The following DIAPH2 variants were observed in gnomAD, a reference collection of about 807,000 sequenced individuals.
The protein encoded by DIAPH2 is diaphanous related formin 2.
A neutral mutation model predicts 92.7 loss-of-function variants in DIAPH2; 35 were observed. The ratio of observed to expected loss-of-function variants is 0.38; its 90% confidence interval spans 0.29 to 0.50. DIAPH2 has a LOEUF of 0.50. Ranked by LOEUF, DIAPH2 falls within the 20% of genes least tolerant of loss-of-function variation. The pLI, the probability that DIAPH2 is intolerant of heterozygous loss-of-function variation, is 0.94. For synonymous variants in DIAPH2, 301 were observed against 280.4 expected (o/e 1.07, Z -0.73); for missense variants, 701 against 819.5 (o/e 0.86, Z 1.77).
At chrX:97,564,779 C>T (rs2071315484) in intron 26 of DIAPH2, among the ~76,000 whole-genome samples, 1 of 111,349 alleles carries the variant, frequency 9.0e-6, no homozygotes, top group Non-Finnish European at 1.9e-5. Flanking sequence ...ACAACTTATC[C>T]TGGAAGTTCT....
chrX:97,571,051 G>T (rs145432718), intron 26 of DIAPH2, among the ~76,000 whole-genome samples: 3 of 111,343 alleles, frequency 2.7e-5, no homozygotes, highest in African/African-American at 9.8e-5. Flanking sequence ...GTTCAAAACC[G>T]AGTAAGTCAC....
intron 26 of DIAPH2, among the ~76,000 whole-genome samples, chrX:97,507,883 A>G (rs1453663962): frequency 3.6e-5 from 4 of 111,253 alleles, no homozygotes; most frequent in African/African-American, 1.3e-4. Flanking sequence ...GGAGAGTGGA[A>G]GGGAAGAAGG....
intron 22 of DIAPH2, among the ~76,000 whole-genome samples, chrX:97,213,763 C>CTA (rs1386416661): frequency 8.9e-6 from 1 of 112,185 alleles, no homozygotes; most frequent in Non-Finnish European, 1.9e-5. Flanking sequence ...TATTAAGCAT[C>CTA]TATATATCAG....
At chrX:97,152,868 G>A (rs1221045270) in intron 22 of DIAPH2, among the ~76,000 whole-genome samples, 3 of 104,858 alleles carry the variant, frequency 2.9e-5, no homozygotes, top group Non-Finnish European at 4.0e-5. Context: ...ATTCATTGAA[G>A]TAGTGAGGAG....
chrX:97,368,928 G>A (rs1246616375), intron 24 of DIAPH2, among the ~76,000 whole-genome samples: 9 of 43,841 alleles, frequency 2.1e-4, no homozygotes, highest in African/African-American at 7.2e-4. Flanking sequence ...TTTTTGAGAC[G>A]AAGTTTCGCT....
chrX:97,051,571 A>T (rs1321839608), intron 17 of DIAPH2, among the ~76,000 whole-genome samples: 1 of 105,803 alleles, frequency 9.5e-6, no homozygotes, highest in Non-Finnish European at 1.9e-5. Flanking sequence ...AGCTCAGAGG[A>T]TATATTTACT....
rs1470931165 is a variant in DIAPH2, at chrX:97,600,626, A to AAAT, written c.*1311_*1313dup. ...CTTAACTTGTCTGTCTATTATTTTA[A>AAAT]AATATGCATTGAAATAATGTGGTAT... On this transcript the variant is annotated 3_prime_UTR_variant, in exon 27 of 27. Transcript: ENST00000324765. The AAAT allele has an allele frequency of 8.9e-6, 1 of 112,660 alleles. No homozygotes were observed. The highest frequency in any genetic ancestry group is 3.7e-4 in the South Asian group (1 of 2,727). 9.3% of individuals were successfully genotyped at this position (112,660 alleles called of 1,213,427 possible). A position where few individuals can be genotyped will look rare whatever the true frequency, so the allele number is the denominator to read the frequency against.
intron 19 of DIAPH2, among the ~76,000 whole-genome samples, chrX:97,099,283 A>G (rs1385370383): frequency 4.5e-5 from 5 of 110,255 alleles, no homozygotes; most frequent in East Asian, 5.7e-4. Context: ...GGAGAATGGC[A>G]TGAACCTGGG....
intron 1 of DIAPH2, among the ~76,000 whole-genome samples, chrX:96,720,218 C>G (rs2063981048): frequency 9.0e-6 from 1 of 111,724 alleles, no homozygotes; most frequent in South Asian, 3.7e-4. Context: ...TATTGTTTCT[C>G]TGGTCATGTG....
chrX:97,207,871 G>A (rs1006866062), intron 22 of DIAPH2, among the ~76,000 whole-genome samples: 1 of 111,452 alleles, frequency 9.0e-6, no homozygotes, highest in South Asian at 3.8e-4. Context: ...GAGTGAACCG[G>A]GGCCAGGTGC....
intron 7 of DIAPH2, among the ~76,000 whole-genome samples, chrX:96,915,127 T>G (rs1421895117): frequency 9.0e-6 from 1 of 111,347 alleles, no homozygotes; most frequent in Non-Finnish European, 1.9e-5. Flanking sequence ...TTAATGATTT[T>G]CCAGATATAT....
At chrX:97,412,255 A>G (rs2069883670) in intron 25 of DIAPH2, among the ~76,000 whole-genome samples, 1 of 112,094 alleles carries the variant, frequency 8.9e-6, no homozygotes, top group Non-Finnish European at 1.9e-5. Flanking sequence ...AAACTCACTC[A>G]AAACCACACA....
At chrX:97,439,599 T>C (rs1214883754) in intron 26 of DIAPH2, among the ~76,000 whole-genome samples, 2 of 107,488 alleles carry the variant, frequency 1.9e-5, no homozygotes, top group Non-Finnish European at 3.8e-5. Flanking sequence ...AAAAGAAAAT[T>C]AGCCAGGTGT....
chrX:96,848,007 G>A (rs2064983280), intron 4 of DIAPH2, among the ~76,000 whole-genome samples: 1 of 110,959 alleles, frequency 9.0e-6, no homozygotes, highest in Non-Finnish European at 1.9e-5. Context: ...GACTAGGTTA[G>A]TAATTCATTT....
chrX:97,036,984 T>C (rs990453591), intron 17 of DIAPH2, among the ~76,000 whole-genome samples: 3 of 111,455 alleles, frequency 2.7e-5, no homozygotes, highest in African/African-American at 9.8e-5. Flanking sequence ...TTGTAAGATA[T>C]AGGTACTATT....
chrX:97,204,871 C>T (rs894529629), intron 22 of DIAPH2, among the ~76,000 whole-genome samples: 14 of 111,577 alleles, frequency 1.3e-4, no homozygotes, highest in African/African-American at 4.6e-4. Flanking sequence ...CCAAGACAAT[C>T]CTGAGCAAAA....
chrX:97,148,444 T>G (rs2067261725), intron 22 of DIAPH2, among the ~76,000 whole-genome samples: 1 of 112,080 alleles, frequency 8.9e-6, no homozygotes, highest in Admixed American at 9.5e-5. Context: ...CCTTTAGCGT[T>G]ATTGGTAATA....
At chrX:97,269,632 C>T (rs991923753) in intron 23 of DIAPH2, among the ~76,000 whole-genome samples, 1 of 111,674 alleles carries the variant, frequency 9.0e-6, no homozygotes, top group East Asian at 2.8e-4. Context: ...AGGAAGCATA[C>T]TGGGTCAGTT....
chrX:97,527,442 A>G (rs1051740064), intron 26 of DIAPH2, among the ~76,000 whole-genome samples: 18 of 111,883 alleles, frequency 1.6e-4, no homozygotes, highest in Admixed American at 1.9e-4. Context: ...GGCAGTCCCT[A>G]TCTTACAAAT....
Sources: allele counts gnomAD v4.1 joint callset (sites outside exome capture counted in the v4.1 genomes callset), GRCh38; gene constraint gnomAD v4.1.1; transcripts MANE v1.5; gene names NCBI Gene and HGNC (gene_info 2026-07-23, HGNC 2026-07-21).